SUGP1: variants seen among roughly 807,000 people sequenced by gnomAD.
SUGP1 encodes the protein SURP and G-patch domain containing 1, also known as SURP and G-patch domain-containing protein 1.
Under a neutral mutation model 76.5 loss-of-function variants are expected in SUGP1, and 34 were observed. The ratio of observed to expected loss-of-function variants is 0.44; its 90% CI spans 0.34 to 0.59. SUGP1 has a LOEUF of 0.59. Among genes scored for constraint, SUGP1 ranks in the 20% least tolerant of loss-of-function variants. SUGP1 has a pLI of 0.01. For synonymous variants in SUGP1, 326 were observed against 326.2 expected (o/e 1.00, Z 0.01); for missense variants, 752 against 851.7 (o/e 0.88, Z 1.46).
chr19:19,298,223 C>T (rs1431049735), intron 7 of SUGP1, among the ~76,000 whole-genome samples: 4 of 152,032 alleles, frequency 2.6e-5, no homozygotes, highest in South Asian at 4.2e-4. Context: ...AGAGGCCGGG[C>T]GCGGTGGCTC....
chr19:19,304,143 A>G (rs1408554839), intron 4 of SUGP1: 1 of 882,482 alleles, frequency 1.1e-6, no homozygotes, highest in East Asian at 3.2e-5. Flanking sequence ...GGAAATGCTT[A>G]ATTCTTTTCT....
intron 2 of SUGP1, among the ~76,000 whole-genome samples, chr19:19,313,200 C>T (rs1233085932): frequency 6.6e-6 from 1 of 151,786 alleles, no homozygotes; most frequent in East Asian, 1.9e-4. Flanking sequence ...TCAAGACCAG[C>T]CTGGCCAACA....
At chr19:19,282,888 T>C (rs914397239) in intron 8 of SUGP1, among the ~76,000 whole-genome samples, 2 of 152,076 alleles carry the variant, frequency 1.3e-5, no homozygotes, top group East Asian at 1.9e-4. Flanking sequence ...CCATCCTGGC[T>C]AACACGGTGA....
rs1351585416 is a variant in SUGP1, at chr19:19,276,423, ACTC to A, written c.*222_*224del. On this transcript the variant is annotated 3_prime_UTR_variant, in exon 14 of 14. Coordinates refer to ENST00000247001, the MANE Select transcript of SUGP1 (RefSeq NM_172231.4). ...CAACCCAGGCTGAGCGGGGATGGAG[ACTC>A]CACAGGCCAATAAGGAGAGCCCCGA... 15 of 550,212 alleles carry A rather than the reference ACTC, an allele frequency of 2.7e-5. No individual in the cohort carries two copies. The highest frequency in any genetic ancestry group is 5.0e-4 in the Middle Eastern group (1 of 1,994). The allele number at this position is 550,212 out of a possible 1,614,324, so 34.1% of individuals were successfully genotyped here.
intron 10 of SUGP1, among the ~76,000 whole-genome samples, 172 bp from the exon 11 acceptor site, chr19:19,278,968 A>G (rs1253216545): frequency 6.6e-6 from 1 of 152,080 alleles, no homozygotes. Flanking sequence ...GCAGCCCAGC[A>G]TTTAGTGAAC....
chr19:19,302,499 G>A, intron 6 of SUGP1, 111 bp from the exon 7 acceptor site: 3 of 1,451,446 alleles, frequency 2.1e-6, no homozygotes, highest in Non-Finnish European at 1.9e-6. Context: ...GATGCAAAGA[G>A]AAACAGGCAA....
chr19:19,304,931 T>C (rs1382651074), intron 4 of SUGP1, among the ~76,000 whole-genome samples: 1 of 152,066 alleles, frequency 6.6e-6, no homozygotes, highest in Non-Finnish European at 1.5e-5. Flanking sequence ...TGGTTGCTGT[T>C]TACAGGAACA....
At chr19:19,311,924 C>T (rs1364952551) in intron 2 of SUGP1, among the ~76,000 whole-genome samples, 3 of 151,814 alleles carry the variant, frequency 2.0e-5, no homozygotes, top group African/African-American at 7.3e-5. Context: ...GCTGCAGTGA[C>T]ATATGATCAT....
intron 2 of SUGP1, among the ~76,000 whole-genome samples, chr19:19,314,474 A>G (rs1019590524): frequency 9.2e-5 from 14 of 152,152 alleles, no homozygotes; most frequent in African/African-American, 3.4e-4. Context: ...TACCATGTAC[A>G]TGAATTACCT....
chr19:19,276,797 G>C, intron 13 of SUGP1, 123 bp from the exon 14 acceptor site: 8 of 1,549,174 alleles, frequency 5.2e-6, no homozygotes, highest in Non-Finnish European at 7.0e-6. Flanking sequence ...CAGGCTTGGG[G>C]GACGGGTGGG....
At position 19,277,092 on chromosome 19, in the gene SUGP1, G is replaced by T; in HGVS notation, c.1782-16C>A. The T allele has an allele frequency of 1.2e-6, 2 of 1,603,348 alleles. No individual in the cohort carries two copies. Among genetic ancestry groups the T allele is most frequent in the Non-Finnish European group, 1.7e-6 (2 of 1,177,914 alleles). On this transcript the variant is annotated splice_polypyrimidine_tract_variant and intron_variant, in intron 12 of 13. Coordinates refer to ENST00000247001, the MANE Select transcript of SUGP1 (RefSeq NM_172231.4). ...GGTGGTGCCCCTACAGGGAGAAGAG[G>T]ATGTGAGCAGGGACCTGGGGCCAGA...
At chr19:19,279,612 G>C (rs971643289) in intron 9 of SUGP1, among the ~76,000 whole-genome samples, 1 of 152,220 alleles carries the variant, frequency 6.6e-6, no homozygotes, top group Admixed American at 6.5e-5. Context: ...CTGAATGAGG[G>C]TGACTCAGGG....
At chr19:19,304,550 C>T (rs1225594060) in intron 4 of SUGP1, among the ~76,000 whole-genome samples, 2 of 152,192 alleles carry the variant, frequency 1.3e-5, no homozygotes, top group East Asian at 1.9e-4. Context: ...GGGGCCTTTT[C>T]AGTGAACAGA....
In SUGP1 at chr19:19,297,140, G is replaced by T; in HGVS notation, c.1092C>A (p.Ile364=). The T allele has an allele frequency of 6.2e-7, 1 of 1,614,012 alleles. No homozygotes were observed. Among genetic ancestry groups the T allele is most frequent in the South Asian group, 1.1e-5 (1 of 91,064 alleles). ...PASSTPAPTI[I]PAPAAPGKPA... Reference sequence around the variant, plus strand: ...GCTTCCCGGGGGCAGCTGGAGCAGGGATGATAGTGGGCGCAGGCGTGGACG... The same window carrying T: ...GCTTCCCGGGGGCAGCTGGAGCAGGTATGATAGTGGGCGCAGGCGTGGACG... The change falls in exon 8 of 14, where the codon ATC becomes ATA. Residue 364 remains isoleucine (I), a synonymous_variant. Transcript: ENST00000247001.
intron 4 of SUGP1, among the ~76,000 whole-genome samples, chr19:19,304,986 C>T (rs1294092664): frequency 6.6e-6 from 1 of 152,168 alleles, no homozygotes; most frequent in Non-Finnish European, 1.5e-5. Context: ...TAATGGGCTT[C>T]AAGGGCCCCG....
At chr19:19,290,241 G>A (rs1468250629) in intron 8 of SUGP1, among the ~76,000 whole-genome samples, 1 of 152,178 alleles carries the variant, frequency 6.6e-6, no homozygotes, top group Non-Finnish European at 1.5e-5. Flanking sequence ...AGTTCTTGCG[G>A]GCAAGGAGAG....
At chr19:19,317,077 G>C (rs541344524) in intron 1 of SUGP1, among the ~76,000 whole-genome samples, 1 of 151,814 alleles carries the variant, frequency 6.6e-6, no homozygotes, top group South Asian at 2.1e-4. Flanking sequence ...GGTGAAGGTT[G>C]CAGTGAGCCG....
chr19:19,286,020 A>C (rs982007108), intron 8 of SUGP1, among the ~76,000 whole-genome samples: 7 of 152,172 alleles, frequency 4.6e-5, no homozygotes, highest in Non-Finnish European at 1.0e-4. Context: ...TACAACAAGA[A>C]GGCCAGGGCA....
At chr19:19,304,714 T>C (rs1262433917) in intron 4 of SUGP1, among the ~76,000 whole-genome samples, 1 of 152,200 alleles carries the variant, frequency 6.6e-6, no homozygotes, top group Non-Finnish European at 1.5e-5. Flanking sequence ...AAGAGAAATT[T>C]CTCGCTGCCA....
Sources: gnomAD v4.1 joint callset for allele counts (sites outside exome capture counted in the v4.1 genomes callset) on GRCh38, gnomAD v4.1.1 for gene constraint, MANE v1.5 for transcripts, NCBI Gene and HGNC (gene_info 2026-07-23, HGNC 2026-07-21) for gene names.